RFC3: variants seen among roughly 807,000 people sequenced by gnomAD.
The protein encoded by RFC3 is A1 38 kDa subunit.
RFC3 carries 41 observed loss-of-function variants against 45.1 expected under a neutral mutation model. That is an observed-to-expected ratio of 0.91 (90% CI 0.71 to 1.18). RFC3 has a LOEUF of 1.18. Among genes scored for constraint, RFC3 ranks in the 50% most tolerant of loss-of-function variants. The pLI is 0.00. For missense variants in RFC3, 423 were observed against 428.1 expected (o/e 0.99, Z 0.10); for synonymous variants, 149 against 144.0 (o/e 1.03, Z -0.25).
intron 6 of RFC3, among the ~76,000 whole-genome samples, 159 bp from the exon 7 acceptor site, chr13:33,831,097 G>A (rs538513787): frequency 5.3e-5 from 8 of 152,292 alleles, no homozygotes; most frequent in African/African-American, 1.9e-4. Flanking sequence ...TCACTGGTCC[G>A]ACAGGAGGTG....
chr13:33,899,872 A>T (rs2082628559), intron 8 of RFC3, among the ~76,000 whole-genome samples: 1 of 151,922 alleles, frequency 6.6e-6, no homozygotes, highest in Non-Finnish European at 1.5e-5. Flanking sequence ...AGTAGCATTT[A>T]TATATGCCAA....
In RFC3 at chr13:33,825,896, C is replaced by G. The variant is rs1233281883; in HGVS notation, c.391+10C>G. ...CAAAGGGATTTTAAAGGTAGGTGAT[C>G]AAAAGACTTCTTTTTATGAAGCTGC... On this transcript the variant is annotated intron_variant, in intron 4 of 8. Coordinates refer to ENST00000380071, the MANE Select transcript of RFC3 (RefSeq NM_002915.4). The G allele has an allele frequency of 5.2e-6, 8 of 1,548,220 alleles. No homozygotes were observed. Among genetic ancestry groups the G allele is most frequent in the Non-Finnish European group, 7.1e-6 (8 of 1,129,184 alleles).
chr13:33,881,284 A>C (rs1400357461), intron 8 of RFC3, among the ~76,000 whole-genome samples: 1 of 152,236 alleles, frequency 6.6e-6, no homozygotes, highest in East Asian at 1.9e-4. Context: ...GGGGCTAAAT[A>C]AGAGTCAATA....
chr13:33,893,099 A>T (rs2082573872), intron 8 of RFC3, among the ~76,000 whole-genome samples: 1 of 152,182 alleles, frequency 6.6e-6, no homozygotes, highest in Admixed American at 6.5e-5. Context: ...TGGAACTACC[A>T]TCCCCAGCCC....
intron 8 of RFC3, among the ~76,000 whole-genome samples, chr13:33,926,201 A>C (rs113040927): frequency 0.2 from 23,564 of 118,248 alleles, 2,917 homozygotes; most frequent in African/African-American, 0.38. Flanking sequence ...CACTCTGGGG[A>C]CTGTTGTGGG....
chr13:33,965,408 G>C (rs1450367703), intron 8 of RFC3, among the ~76,000 whole-genome samples: 4 of 152,136 alleles, frequency 2.6e-5, no homozygotes, highest in African/African-American at 9.7e-5. Flanking sequence ...TACTGTACAG[G>C]TTTGTAGCCT....
At chr13:33,888,675 C>T (rs768335506) in intron 8 of RFC3, among the ~76,000 whole-genome samples, 1 of 151,946 alleles carries the variant, frequency 6.6e-6, no homozygotes, top group Non-Finnish European at 1.5e-5. Flanking sequence ...CTATTTTTCT[C>T]CATATGGATT....
At chr13:33,875,955 A>G (rs1593658064) in intron 8 of RFC3, among the ~76,000 whole-genome samples, 2 of 152,126 alleles carry the variant, frequency 1.3e-5, no homozygotes, top group South Asian at 4.1e-4. Context: ...AGTGTTTAGT[A>G]TATTGCTGGG....
At chr13:33,894,638 C>T (rs2082585409) in intron 8 of RFC3, among the ~76,000 whole-genome samples, 1 of 152,088 alleles carries the variant, frequency 6.6e-6, no homozygotes, top group South Asian at 2.1e-4. Flanking sequence ...AGGCTTATGG[C>T]CTGGGGCAAT....
At position 33,926,586 on chromosome 13, in the gene RFC3, G is replaced by A. The variant is rs543953565; in HGVS notation, c.880-39501G>A. ...CAAATTCAGGGAATTTTTACTGTAA[G>A]TTTTACTTTAGTTCAAATTCAGTAA... On this transcript the variant is annotated intron_variant, in intron 8 of 8. Transcript: ENST00000434425. 5.3e-5 allele frequency among the ~76,000 whole-genome samples: 8 copies of A among 152,132 alleles called. No homozygotes were observed. The South Asian group carries it at 1.4e-3, about 28-fold the overall frequency.
intron 8 of RFC3, among the ~76,000 whole-genome samples, chr13:33,854,138 ATCTC>A (rs1156326163): frequency 6.6e-6 from 1 of 152,202 alleles, no homozygotes; most frequent in Admixed American, 6.6e-5. Context: ...TGATGGAAGA[ATCTC>A]TCTTGGGGAG....
At chr13:33,822,222 C>T (rs779382271) in intron 2 of RFC3, among the ~76,000 whole-genome samples, 1 of 152,084 alleles carries the variant, frequency 6.6e-6, no homozygotes, top group Non-Finnish European at 1.5e-5. Flanking sequence ...GTGGATGTGT[C>T]AGAAGAAACT....
chr13:33,870,017 C>G (rs1280934053), intron 8 of RFC3, among the ~76,000 whole-genome samples: 3 of 152,168 alleles, frequency 2.0e-5, no homozygotes, highest in Non-Finnish European at 4.4e-5. Context: ...AATCCTTGAT[C>G]AAATGGACAA....
chr13:33,892,746 A>G (rs2082571368), intron 8 of RFC3, among the ~76,000 whole-genome samples: 1 of 152,208 alleles, frequency 6.6e-6, no homozygotes, highest in African/African-American at 2.4e-5. Flanking sequence ...AACCAAAAAC[A>G]AATAGACAGC....
At chr13:33,831,189 G>T in intron 6 of RFC3, 67 bp from the exon 7 acceptor site, 1 of 974,046 alleles carries the variant, frequency 1.0e-6, no homozygotes, top group East Asian at 2.5e-5. Context: ...CCAGTGGTTG[G>T]GGACTCCTGT....
chr13:33,871,126 G>A (rs998572931), intron 8 of RFC3, among the ~76,000 whole-genome samples: 5 of 152,134 alleles, frequency 3.3e-5, no homozygotes, highest in Admixed American at 6.5e-5. Context: ...AATTGGAACC[G>A]AAGTGTTCTG....
downstream of RFC3, among the ~76,000 whole-genome samples, chr13:33,840,863 A>G (rs1349837620): frequency 6.6e-6 from 1 of 152,184 alleles, no homozygotes; most frequent in African/African-American, 2.4e-5. Flanking sequence ...AATATATACA[A>G]ATCTAGTACA....
intron 8 of RFC3, among the ~76,000 whole-genome samples, chr13:33,925,076 TATACACGC>T (rs1367878367): frequency 7.0e-6 from 1 of 141,922 alleles, no homozygotes; most frequent in Non-Finnish European, 1.5e-5. Context: ...TAGTGTACTA[TATACACGC>T]ATATATAGTG....
At chr13:33,930,127 T>G (rs559670472) in intron 8 of RFC3, among the ~76,000 whole-genome samples, 6 of 152,124 alleles carry the variant, frequency 3.9e-5, no homozygotes, top group Non-Finnish European at 8.8e-5. Flanking sequence ...ATCTATCAGC[T>G]TGTATTAGGG....
Sources: gnomAD v4.1 joint callset for allele counts (sites outside exome capture counted in the v4.1 genomes callset) on GRCh38, gnomAD v4.1.1 for gene constraint, MANE v1.5 for transcripts, NCBI Gene and HGNC (gene_info 2026-07-23, HGNC 2026-07-21) for gene names.